Variants in ARHGAP23 observed in about 807,000 individuals in gnomAD.
ARHGAP23 encodes Rho GTPase activating protein 23, also known as rho GTPase-activating protein 23.
Under a neutral mutation model 136.3 loss-of-function variants are expected in ARHGAP23, and 34 were observed. That is an observed-to-expected ratio of 0.25 (90% CI 0.19 to 0.33). ARHGAP23 has a LOEUF of 0.33. Ranked by LOEUF, ARHGAP23 falls within the 10% of genes least tolerant of loss-of-function variation. The pLI is 1.00. For synonymous variants in ARHGAP23, 832 were observed against 920.5 expected, an observed-to-expected ratio of 0.90 and a Z score of 1.74; for missense variants, 1,808 against 2,139.0, an observed-to-expected ratio of 0.85 and a Z score of 3.05.
intron 20 of ARHGAP23, among the ~76,000 whole-genome samples, chr17:38,496,848 G>A (rs1175250103): frequency 6.6e-6 from 1 of 152,118 alleles, no homozygotes; most frequent in African/African-American, 2.4e-5. Context: ...AGCTACTTGG[G>A]AGGCTGAAGC....
In ARHGAP23 at chr17:38,498,517, G is replaced by A. The variant is rs955404595; in HGVS notation, c.3415+7G>A. 26 of 1,540,212 alleles carry A rather than the reference G, an allele frequency of 1.7e-5. No homozygotes were observed. The highest frequency in any genetic ancestry group is 2.0e-5 in the Admixed American group (1 of 49,948). ...CCTGGCGACCCGGGGTCAGGTGAGC[G>A]CAGGGGCCTGGGAGTGGGGAGGCGG... On this transcript the variant is annotated splice_region_variant and intron_variant, in intron 22 of 23. Coordinates refer to ENST00000622683, the MANE Select transcript of ARHGAP23 (RefSeq NM_001199417.2).
intron 1 of ARHGAP23, among the ~76,000 whole-genome samples, chr17:38,454,776 A>G (rs1165528860): frequency 6.6e-6 from 1 of 151,940 alleles, no homozygotes; most frequent in Non-Finnish European, 1.5e-5. Context: ...TGACCTCTTT[A>G]TGCTCCCGGG....
intron 20 of ARHGAP23, among the ~76,000 whole-genome samples, chr17:38,493,789 G>A (rs1034250147): frequency 1.6e-4 from 24 of 152,214 alleles, no homozygotes; most frequent in African/African-American, 4.8e-4. Context: ...CCAGGGCCAC[G>A]CAGCAAGATA....
chr17:38,478,347 C>T (rs930882561), intron 12 of ARHGAP23, among the ~76,000 whole-genome samples: 1 of 151,964 alleles, frequency 6.6e-6, no homozygotes, highest in East Asian at 1.9e-4. Flanking sequence ...GTGAGGAGGC[C>T]GAGAGGCTTG....
chr17:38,492,284 C>T (rs1433388938), intron 20 of ARHGAP23, among the ~76,000 whole-genome samples: 2 of 152,210 alleles, frequency 1.3e-5, no homozygotes, highest in Non-Finnish European at 2.9e-5. Flanking sequence ...CGTAGATTTT[C>T]CATTTCCAAT....
At position 38,469,634 on chromosome 17, in the gene ARHGAP23, C is replaced by T. The variant is rs1282777083; in HGVS notation, c.1915C>T (p.Arg639Trp). The T allele has an allele frequency of 3.4e-5, 52 of 1,548,254 alleles. No individual in the cohort carries two copies. Among genetic ancestry groups the T allele is most frequent in the Non-Finnish European group, 4.3e-5 (49 of 1,146,502 alleles). The change falls in exon 9 of 24, where the codon CGG (arginine) becomes TGG (tryptophan). Residue 639 changes from arginine to tryptophan, a missense_variant and splice_region_variant. This residue lies in a region of ARHGAP23 where 859 missense variants were observed against 936.4 expected (regional missense o/e 0.92). Coordinates refer to ENST00000622683, the MANE Select transcript of ARHGAP23 (RefSeq NM_001199417.2). ...CTTCCGCGACGAGGGCCGGGTTCTGCGGTGAGGCCCTGTCCGGACACGGGG... is the reference window on the plus strand; with the variant it reads ...CTTCCGCGACGAGGGCCGGGTTCTGTGGTGAGGCCCTGTCCGGACACGGGG... ...NTFRDEGRVL[R>W]RLPNRIPSLR...
intron 1 of ARHGAP23, among the ~76,000 whole-genome samples, chr17:38,430,690 C>A (rs1057113095): frequency 1.8e-4 from 28 of 152,264 alleles, no homozygotes; most frequent in African/African-American, 6.5e-4. Flanking sequence ...CCACAGCATC[C>A]CAGGCTAGCC....
intron 5 of ARHGAP23, 44 bp from the exon 6 acceptor site, chr17:38,463,284 A>G: frequency 6.4e-7 from 1 of 1,551,294 alleles, no homozygotes; most frequent in South Asian, 1.2e-5. Context: ...TTCCTCCTGG[A>G]CCCTGTTCCT....
chr17:38,428,532 A>G lies in ARHGAP23; in HGVS notation c.47A>G (p.Glu16Gly). 1 of 1,452,414 alleles carries G rather than the reference A, an allele frequency of 6.9e-7. No homozygotes were observed. Among genetic ancestry groups the G allele is most frequent in the Non-Finnish European group, 9.0e-7 (1 of 1,105,542 alleles). The allele number at this position is 1,452,414 out of a possible 1,614,324, so 90.0% of individuals were successfully genotyped here. A position where few individuals can be genotyped will look rare whatever the true frequency, so the allele number is the denominator to read the frequency against. ...FCLVGIPPRPEPRPPQLPLGP... is the reference protein window; with the variant it reads ...FCLVGIPPRPGPRPPQLPLGP... The stretch of plus-strand genomic sequence containing the variant: ...CTGGTCGGGATCCCGCCCCGCCCGG[A>G]GCCCCGGCCCCCACAGGTGAGGGTG... Residue 16 changes from glutamate (E) to glycine (G), a missense_variant, in exon 1 of 24, where the codon GAG becomes GGG. By Grantham distance (98) the Glu-to-Gly change is moderately conservative (BLOSUM62 -2). This residue lies in a region of ARHGAP23 where 859 missense variants were observed against 936.4 expected (regional missense o/e 0.92). Coordinates refer to ENST00000622683, the MANE Select transcript of ARHGAP23 (RefSeq NM_001199417.2).
chr17:38,502,411 G>A (rs1030235743), intron 23 of ARHGAP23, among the ~76,000 whole-genome samples: 1 of 152,180 alleles, frequency 6.6e-6, no homozygotes, highest in Non-Finnish European at 1.5e-5. Flanking sequence ...AAAAAGATAG[G>A]GCTAATTCAT....
Position 38,477,980 on chromosome 17 carries a change from G to A in ARHGAP23, c.2436+84G>A. ...TGTGGACCTGGGATGCCCGCTCTGA[G>A]CCTCACTTCCCTCTGCTAGAAAGGG... On this transcript the variant is annotated intron_variant, in intron 12 of 23. Transcript: ENST00000622683. The surrounding 1 kb of genome is among the most constrained non-coding windows in gnomAD (Gnocchi z 6.6). The A allele has an allele frequency of 7.2e-7, 1 of 1,383,738 alleles. No homozygotes were observed. Among genetic ancestry groups the A allele is most frequent in the Non-Finnish European group, 1.0e-6 (1 of 1,000,234 alleles). 85.7% of individuals were successfully genotyped at this position (1,383,738 alleles called of 1,614,324 possible).
intron 1 of ARHGAP23, chr17:38,453,802 G>A (rs1440957247): frequency 6.9e-6 from 1 of 144,496 alleles, no homozygotes; most frequent in Non-Finnish European, 1.5e-5. Flanking sequence ...CGGCTCCGGG[G>A]GGCGGGCGGG....
chr17:38,466,211 T>C lies in ARHGAP23; in HGVS notation c.528T>C (p.Ser176=). The C allele has an allele frequency of 6.5e-7, 1 of 1,536,590 alleles. No individual in the cohort carries two copies. The highest frequency in any genetic ancestry group is 8.8e-7 in the Non-Finnish European group (1 of 1,138,340). Residue 176 remains serine, a synonymous_variant, in exon 7 of 24, where the codon TCT becomes TCC. Transcript: ENST00000622683. ...ACCTGAAAGGGAACGAGCCGTATTC[T>C]GGAGAGGCCCGCAGCATCCCAGAGC... ...DAYLKGNEPY[S]GEARSIPEPP...
intron 11 of ARHGAP23, among the ~76,000 whole-genome samples, chr17:38,475,320 C>T (rs185122225): frequency 5.9e-5 from 9 of 152,360 alleles, no homozygotes; most frequent in African/African-American, 7.2e-5. Flanking sequence ...ATTTACCAGC[C>T]GGAGACACTG....
intron 6 of ARHGAP23, among the ~76,000 whole-genome samples, chr17:38,465,077 T>G (rs1163162689): frequency 7.0e-4 from 63 of 89,526 alleles, no homozygotes; most frequent in East Asian, 4.6e-3. Context: ...CAGTGGTCAG[T>G]GGCGGGGTTA....
chr17:38,460,982 C>T, intron 3 of ARHGAP23, 50 bp downstream of exon 3: 1 of 1,530,936 alleles, frequency 6.5e-7, no homozygotes, highest in Non-Finnish European at 8.7e-7. Flanking sequence ...CCTCTTCCAG[C>T]TCCTGTCTCT....
chr17:38,505,197 G>T (rs1415144188), intron 23 of ARHGAP23, among the ~76,000 whole-genome samples: 25 of 151,314 alleles, frequency 1.7e-4, no homozygotes, highest in African/African-American at 5.8e-4. Flanking sequence ...TTGTAGAAAT[G>T]GGGTCTTGCT....
At chr17:38,472,666 G>C (rs913809631) in intron 11 of ARHGAP23, among the ~76,000 whole-genome samples, 24 of 152,188 alleles carry the variant, frequency 1.6e-4, no homozygotes, top group African/African-American at 5.8e-4. Context: ...CCTGGCCCCA[G>C]GCTGCGCTGT....
chr17:38,432,966 C>T (rs2038717315), intron 1 of ARHGAP23, among the ~76,000 whole-genome samples: 1 of 152,130 alleles, frequency 6.6e-6, no homozygotes, highest in East Asian at 1.9e-4. Context: ...TTCTTTTATT[C>T]TTTTGAGGCA....
Sources: gnomAD v4.1 joint callset for allele counts (sites outside exome capture counted in the v4.1 genomes callset) on GRCh38, gnomAD v4.1.1 for gene constraint, gnomAD v4.1.1 regional missense constraint, Gnocchi (gnomAD v3.1) non-coding constraint, MANE v1.5 for transcripts, NCBI Gene and HGNC (gene_info 2026-07-23, HGNC 2026-07-21) for gene names.